The following GPC6 variants were observed in gnomAD, a reference collection of about 807,000 sequenced individuals.
The protein encoded by GPC6 is glypican 6.
A neutral mutation model predicts 55.2 loss-of-function variants in GPC6; 14 were observed. The ratio of observed to expected loss-of-function variants is 0.25; its 90% CI spans 0.17 to 0.40. The LOEUF (loss-of-function observed/expected upper bound fraction) is 0.40, where lower values mean the gene tolerates loss of function less well. Ranked by LOEUF, GPC6 falls within the 10% of genes least tolerant of loss-of-function variation. GPC6 has a pLI of 1.00. For missense variants in GPC6, 641 were observed against 708.5 expected (o/e 0.90, Z 1.08); for synonymous variants, 278 against 259.6 (o/e 1.07, Z -0.68).
chr13:93,241,493 G>GTGTTT (rs781198455), intron 1 of GPC6, among the ~76,000 whole-genome samples: 19 of 152,068 alleles, frequency 1.2e-4, no homozygotes, highest in Admixed American at 2.6e-4. Context: ...CAGAAGTTCT[G>GTGTTT]TGTTTTGTTT....
chr13:93,301,091 G>A (rs1009305396), intron 1 of GPC6, among the ~76,000 whole-genome samples: 1 of 152,050 alleles, frequency 6.6e-6, no homozygotes, highest in Non-Finnish European at 1.5e-5. Context: ...TCCATTGGCA[G>A]ACATTTCCTT....
At position 93,945,059 on chromosome 13, in the gene GPC6, G is replaced by A. The variant is rs1018321617; in HGVS notation, c.712-82670G>A. On this transcript the variant is annotated intron_variant, in intron 3 of 8. Coordinates refer to ENST00000377047, the MANE Select transcript of GPC6 (RefSeq NM_005708.5). ...GACTAGGTCTCCCCTGTGCCAGTGGGTTGATTTTTTTTCCTAATCCGTATT... is the reference window on the plus strand; with the variant it reads ...GACTAGGTCTCCCCTGTGCCAGTGGATTGATTTTTTTTCCTAATCCGTATT... 5.9e-5 allele frequency among the ~76,000 whole-genome samples: 9 copies of A among 152,106 alleles called. No homozygotes were observed. In the East Asian group the frequency reaches 7.7e-4, roughly 13 times the overall value.
upstream of GPC6, among the ~76,000 whole-genome samples, chr13:93,224,968 G>A (rs1196274499): frequency 6.6e-6 from 1 of 152,132 alleles, no homozygotes; most frequent in Non-Finnish European, 1.5e-5. Context: ...GTATAGGGAC[G>A]GTGTGCAATA....
intron 3 of GPC6, among the ~76,000 whole-genome samples, chr13:93,886,947 A>G (rs1594557985): frequency 6.6e-6 from 1 of 151,930 alleles, no homozygotes; most frequent in Admixed American, 6.6e-5. Context: ...AACTGGACCT[A>G]CTATGTAAAT....
At chr13:93,265,514 G>GT (rs1352424682) in intron 1 of GPC6, among the ~76,000 whole-genome samples, 1 of 152,170 alleles carries the variant, frequency 6.6e-6, no homozygotes, top group Non-Finnish European at 1.5e-5. Flanking sequence ...CAGCCTGTGT[G>GT]TATGAGGTGT....
At chr13:93,259,889 A>G (rs1437272010) in intron 1 of GPC6, among the ~76,000 whole-genome samples, 1 of 152,134 alleles carries the variant, frequency 6.6e-6, no homozygotes, top group African/African-American at 2.4e-5. Context: ...TGATGACTGT[A>G]TATCTCATTA....
intron 4 of GPC6, among the ~76,000 whole-genome samples, chr13:94,224,256 AATATATATATAT>A (rs59631105): frequency 1.4e-5 from 2 of 143,972 alleles, no homozygotes; most frequent in East Asian, 2.0e-4. Context: ...ATCATCTTTA[AATATATATATAT>A]ATATATATAT....
At chr13:93,322,359 C>A (rs999049209) in intron 1 of GPC6, among the ~76,000 whole-genome samples, 2 of 151,764 alleles carry the variant, frequency 1.3e-5, no homozygotes, top group Admixed American at 1.3e-4. Flanking sequence ...TCATTTAAAT[C>A]CCACTTATAA....
intron 1 of GPC6, among the ~76,000 whole-genome samples, chr13:93,482,053 C>G (rs919407760): frequency 2.0e-4 from 31 of 152,124 alleles, no homozygotes; most frequent in African/African-American, 7.2e-4. Flanking sequence ...CATGAGATGT[C>G]TTTACACTTA....
At chr13:93,798,345 G>C (rs1446528085) in intron 2 of GPC6, among the ~76,000 whole-genome samples, 1 of 152,160 alleles carries the variant, frequency 6.6e-6, no homozygotes, top group Non-Finnish European at 1.5e-5. Flanking sequence ...TGAAGTATTT[G>C]ATGGGAAGTT....
chr13:93,891,808 A>G (rs1352065343), intron 3 of GPC6, among the ~76,000 whole-genome samples: 2 of 151,978 alleles, frequency 1.3e-5, no homozygotes, highest in Admixed American at 1.3e-4. Flanking sequence ...GAGATGGCTT[A>G]GTATATCTGT....
chr13:94,342,410 C>A (rs542799772), intron 6 of GPC6, among the ~76,000 whole-genome samples: 1 of 152,248 alleles, frequency 6.6e-6, no homozygotes, highest in South Asian at 2.1e-4. Context: ...GAGGCACATA[C>A]AGAGGAAGAA....
chr13:93,901,262 C>G (rs1243898270), intron 3 of GPC6, among the ~76,000 whole-genome samples: 1 of 152,146 alleles, frequency 6.6e-6, no homozygotes, highest in East Asian at 1.9e-4. Context: ...AGTATTGTTT[C>G]TTTGTAAAAT....
chr13:93,893,517 T>C (rs1875816378), intron 3 of GPC6, among the ~76,000 whole-genome samples: 1 of 152,184 alleles, frequency 6.6e-6, no homozygotes, highest in Non-Finnish European at 1.5e-5. Flanking sequence ...ATTACAGACA[T>C]GAGCCACGTG....
chr13:94,329,637 A>T (rs1877306062), intron 6 of GPC6, among the ~76,000 whole-genome samples: 1 of 152,204 alleles, frequency 6.6e-6, no homozygotes, highest in Non-Finnish European at 1.5e-5. Context: ...ATTGAAATTC[A>T]TGTTTTTCCA....
intron 4 of GPC6, among the ~76,000 whole-genome samples, chr13:94,198,885 A>G (rs1457877458): frequency 1.3e-5 from 2 of 152,188 alleles, no homozygotes; most frequent in Non-Finnish European, 2.9e-5. Flanking sequence ...GTGAATTCAG[A>G]TTAAATCTTT....
intron 1 of GPC6, among the ~76,000 whole-genome samples, chr13:93,492,917 G>A (rs1274040565): frequency 5.1e-5 from 7 of 137,538 alleles, no homozygotes; most frequent in South Asian, 2.5e-4. Context: ...TGCTGGATTC[G>A]GTTTGCCAGT....
chr13:93,371,512 C>T (rs936656408), intron 1 of GPC6, among the ~76,000 whole-genome samples: 6 of 151,982 alleles, frequency 3.9e-5, no homozygotes, highest in Non-Finnish European at 7.4e-5. Flanking sequence ...TCTTATAATT[C>T]GACCTAGCAA....
intron 4 of GPC6, among the ~76,000 whole-genome samples, chr13:94,086,443 G>C (rs1388723109): frequency 6.6e-6 from 1 of 150,408 alleles, no homozygotes; most frequent in South Asian, 2.1e-4. Context: ...ACTGGGGAGA[G>C]GCAGATCACA....
Sources: gnomAD v4.1 joint callset for allele counts (sites outside exome capture counted in the v4.1 genomes callset) on GRCh38, gnomAD v4.1.1 for gene constraint, MANE v1.5 for transcripts, NCBI Gene and HGNC (gene_info 2026-07-23, HGNC 2026-07-21) for gene names.